The following SNX29 variants were observed in gnomAD, a reference collection of about 807,000 sequenced individuals.
The protein encoded by SNX29 is sorting nexin-29.
SNX29 carries 78 observed loss-of-function variants against 102.1 expected under a neutral mutation model. The observed-to-expected ratio is 0.76, with a 90% CI of 0.64 to 0.92. The LOEUF is 0.92. SNX29 is among the 40% of genes least tolerant of loss of function. The pLI is 0.00. For synonymous variants in SNX29, 580 were observed against 414.5 expected (o/e 1.40, Z -4.85); for missense variants, 1,280 against 1,061.7 (o/e 1.21, Z -2.86).
chr16:12,216,720 A>ACC (rs2077334377), intron 14 of SNX29, among the ~76,000 whole-genome samples: 1 of 63,644 alleles, frequency 1.6e-5, no homozygotes. Context: ...TCCCCACCCC[A>ACC]CCCACCCCTA....
At chr16:12,318,625 TC>T (rs1248826546) in intron 15 of SNX29, among the ~76,000 whole-genome samples, 1 of 152,162 alleles carries the variant, frequency 6.6e-6, no homozygotes, top group Admixed American at 6.5e-5. Flanking sequence ...GTAATCCTGT[TC>T]CTGGACCAAA....
intron 10 of SNX29, among the ~76,000 whole-genome samples, chr16:12,075,538 G>T (rs925534667): frequency 1.3e-5 from 2 of 152,194 alleles, no homozygotes; most frequent in African/African-American, 4.8e-5. Flanking sequence ...TGTCTCAGAG[G>T]AGTACCCAGC....
chr16:12,086,339 C>T (rs1013183649), intron 11 of SNX29, among the ~76,000 whole-genome samples: 4 of 152,278 alleles, frequency 2.6e-5, no homozygotes, highest in Non-Finnish European at 4.4e-5. Context: ...TAAGGAGACA[C>T]GTTTCATTGT....
intron 18 of SNX29, among the ~76,000 whole-genome samples, chr16:12,408,225 G>T (rs1397810338): frequency 6.6e-6 from 1 of 151,726 alleles, no homozygotes; most frequent in Non-Finnish European, 1.5e-5. Flanking sequence ...ATTCCAAAAG[G>T]CAAGGCCCAG....
chr16:12,022,317 C>T (rs2057052530), intron 3 of SNX29, among the ~76,000 whole-genome samples: 1 of 151,936 alleles, frequency 6.6e-6, no homozygotes, highest in South Asian at 2.1e-4. Context: ...TCTCCAGCCT[C>T]AGCCTCTGGA....
intron 19 of SNX29, among the ~76,000 whole-genome samples, chr16:12,500,420 G>A (rs2089058866): frequency 1.3e-5 from 2 of 152,170 alleles, no homozygotes; most frequent in Admixed American, 1.3e-4. Flanking sequence ...TAGGTACTCA[G>A]AAAGCCAGGG....
chr16:12,563,832 G>T (rs72775223), intron 20 of SNX29, among the ~76,000 whole-genome samples: 27,534 of 152,254 alleles, frequency 0.18, 3,264 homozygotes, highest in Non-Finnish European at 0.26. Flanking sequence ...TATTCAGGCT[G>T]CCTGTAAATA....
chr16:12,543,325 A>C (rs947893613), intron 20 of SNX29, among the ~76,000 whole-genome samples: 1 of 152,166 alleles, frequency 6.6e-6, no homozygotes, highest in Non-Finnish European at 1.5e-5. Flanking sequence ...TTGATTAGCC[A>C]AATCTGGGGC....
At chr16:12,532,127 C>G (rs1385386537) in intron 20 of SNX29, among the ~76,000 whole-genome samples, 7 of 152,212 alleles carry the variant, frequency 4.6e-5, no homozygotes, top group Admixed American at 4.6e-4. Context: ...TCAGGATTGC[C>G]TTGCACTGAT....
At chr16:12,493,442 C>T (rs1009989010) in intron 19 of SNX29, among the ~76,000 whole-genome samples, 6 of 152,158 alleles carry the variant, frequency 3.9e-5, no homozygotes, top group South Asian at 2.1e-4. Flanking sequence ...TGGGCTGAGA[C>T]GATGGGGTTT....
intron 13 of SNX29, among the ~76,000 whole-genome samples, chr16:12,146,032 T>G (rs777591369): frequency 6.6e-5 from 10 of 152,276 alleles, no homozygotes; most frequent in Non-Finnish European, 1.3e-4. Flanking sequence ...GCCTCTCTTT[T>G]ACCCCTACAG....
chr16:12,170,925 G>T (rs1384089722), intron 13 of SNX29, among the ~76,000 whole-genome samples: 1 of 151,926 alleles, frequency 6.6e-6, no homozygotes, highest in Non-Finnish European at 1.5e-5. Flanking sequence ...TGGAGAGAGA[G>T]CCGTAGGATT....
chr16:12,081,691 A>AAAGG (rs1555456658), intron 11 of SNX29: 1 of 88,912 alleles, frequency 1.1e-5, no homozygotes, highest in African/African-American at 5.0e-5. Flanking sequence ...AAAAAAAAAA[A>AAAGG]AAAAGAAAAG....
At position 12,362,565 on chromosome 16, in the gene SNX29, C is replaced by CT. The variant is rs1567479718; in HGVS notation, c.1899+6286_1899+6287insT. On this transcript the variant is annotated intron_variant, in intron 16 of 20. Coordinates refer to ENST00000566228, the MANE Select transcript of SNX29 (RefSeq NM_032167.5). ...TTGGCTGCTGCACTCCCCCCCCACC[C>CT]CCCCCCCCACCAGTTTCTCCTCATG... Among the ~76,000 whole-genome samples the CT allele has an allele frequency of 1.4e-4, 9 of 66,566 alleles. 1 individual carries two copies. Among genetic ancestry groups the CT allele is most frequent in the African/African-American group, 4.0e-4 (8 of 20,040 alleles). The allele number at this position is 66,566 out of a possible 152,430, so 43.7% of individuals were successfully genotyped here.
chr16:12,529,420 C>G (rs1040569487), intron 20 of SNX29, among the ~76,000 whole-genome samples: 1 of 152,168 alleles, frequency 6.6e-6, no homozygotes, highest in South Asian at 2.1e-4. Context: ...TGGAGGGAGG[C>G]TCGGACTCCA....
intron 14 of SNX29, among the ~76,000 whole-genome samples, chr16:12,261,994 C>A (rs552545665): frequency 9.8e-5 from 14 of 143,242 alleles, no homozygotes; most frequent in African/African-American, 3.8e-4. Flanking sequence ...GTGTGCACGT[C>A]CCCGGCTGGA....
chr16:12,329,625 C>T (rs191243599), intron 15 of SNX29, among the ~76,000 whole-genome samples: 1 of 152,094 alleles, frequency 6.6e-6, no homozygotes, highest in African/African-American at 2.4e-5. Flanking sequence ...ATGCAATAAA[C>T]AGGAGTGTGT....
intron 19 of SNX29, among the ~76,000 whole-genome samples, chr16:12,481,006 C>T (rs1383703557): frequency 6.6e-6 from 1 of 152,188 alleles, no homozygotes; most frequent in Non-Finnish European, 1.5e-5. Flanking sequence ...TCTCCACCCT[C>T]ATCCCCAGGC....
chr16:12,112,147 G>A (rs1271527873), intron 11 of SNX29, among the ~76,000 whole-genome samples: 1 of 152,174 alleles, frequency 6.6e-6, no homozygotes, highest in Non-Finnish European at 1.5e-5. Context: ...CTGCCCAACT[G>A]TACCTTCACC....
Sources: allele counts gnomAD v4.1 joint callset (sites outside exome capture counted in the v4.1 genomes callset), GRCh38; gene constraint gnomAD v4.1.1; transcripts MANE v1.5; gene names NCBI Gene and HGNC (gene_info 2026-07-23, HGNC 2026-07-21).